LMLN: variants seen among roughly 807,000 people sequenced by gnomAD.
The protein encoded by LMLN is leishmanolysin-like peptidase.
LMLN carries 70 observed loss-of-function variants against 92.3 expected under a neutral mutation model. The observed-to-expected ratio is 0.76, with a 90% CI of 0.63 to 0.92. The LOEUF (loss-of-function observed/expected upper bound fraction) is 0.92, where lower values mean the gene tolerates loss of function less well. Ranked by LOEUF, LMLN falls within the 40% of genes least tolerant of loss-of-function variation. LMLN has a pLI of 0.00. For missense variants in LMLN, 691 were observed against 814.6 expected (o/e 0.85, Z 1.85); for synonymous variants, 308 against 296.2 (o/e 1.04, Z -0.41).
At chr3:197,967,810 G>A (rs748208489) in intron 1 of LMLN, among the ~76,000 whole-genome samples, 6 of 152,094 alleles carry the variant, frequency 3.9e-5, no homozygotes, top group Admixed American at 1.3e-4. Flanking sequence ...GCCATTTATA[G>A]ACCTCCCCCA....
chr3:198,000,636 C>T (rs1391148181), intron 11 of LMLN, among the ~76,000 whole-genome samples: 1 of 151,880 alleles, frequency 6.6e-6, no homozygotes, highest in East Asian at 1.9e-4. Context: ...CCATGTCGGC[C>T]AGGCTGGTCT....
intron 1 of LMLN, among the ~76,000 whole-genome samples, chr3:197,966,667 ATT>A (rs34785591): frequency 1.3e-5 from 2 of 151,254 alleles, no homozygotes; most frequent in African/African-American, 4.9e-5. Flanking sequence ...ACATTGATTG[ATT>A]TTTTTTGAAT....
At chr3:197,962,348 A>G (rs1720927664) in intron 1 of LMLN, among the ~76,000 whole-genome samples, 1 of 152,210 alleles carries the variant, frequency 6.6e-6, no homozygotes, top group African/African-American at 2.4e-5. Flanking sequence ...TTGAATACTT[A>G]TATCACAATT....
intron 10 of LMLN, among the ~76,000 whole-genome samples, chr3:197,998,011 G>C (rs151038688): frequency 2.0e-5 from 3 of 152,348 alleles, no homozygotes; most frequent in Non-Finnish European, 4.4e-5. Context: ...GCCATGTTGA[G>C]AAAAGATTCC....
intron 13 of LMLN, among the ~76,000 whole-genome samples, chr3:198,023,212 C>T (rs1323209850): frequency 6.6e-6 from 1 of 151,772 alleles, no homozygotes; most frequent in African/African-American, 2.4e-5. Flanking sequence ...TTTTTAGAGA[C>T]AAGGTCTCAC....
chr3:197,995,472 T>C (rs924406766), intron 9 of LMLN, among the ~76,000 whole-genome samples: 1 of 152,092 alleles, frequency 6.6e-6, no homozygotes, highest in Non-Finnish European at 1.5e-5. Flanking sequence ...GAACTGATGC[T>C]AAAAAAGGAA....
intron 1 of LMLN, among the ~76,000 whole-genome samples, chr3:197,972,366 A>G (rs150466847): frequency 6.6e-6 from 1 of 152,188 alleles, no homozygotes; most frequent in East Asian, 1.9e-4. Context: ...GTCCGGCCCC[A>G]ATGAATTTTT....
At chr3:197,984,316 C>T (rs966001890) in intron 7 of LMLN, among the ~76,000 whole-genome samples, 2 of 151,856 alleles carry the variant, frequency 1.3e-5, no homozygotes, top group African/African-American at 2.4e-5. Flanking sequence ...TGCAGTGAGC[C>T]GAGATTGTGC....
chr3:198,021,353 G>A lies in LMLN; in HGVS notation c.1366-93G>A, dbSNP rs569850164. ...GTACATTAGTATCTTGTGTTATGTG[G>A]CATTAAAGGGTTGCGAGAAATTGCC... On this transcript the variant is annotated intron_variant, in intron 12 of 15. Transcript: ENST00000330198. 109 of 1,008,178 alleles carry A rather than the reference G, an allele frequency of 1.1e-4. 1 individual carries two copies. In the South Asian group the frequency reaches 1.2e-3, roughly 11 times the overall value. 62.5% of individuals were successfully genotyped at this position (1,008,178 alleles called of 1,614,324 possible).
At chr3:197,984,916 A>AT (rs1292000759) in intron 7 of LMLN, among the ~76,000 whole-genome samples, 9 of 151,900 alleles carry the variant, frequency 5.9e-5, no homozygotes, top group Non-Finnish European at 1.3e-4. Flanking sequence ...GGCTCAAGTG[A>AT]TCCCCCCCGC....
chr3:198,016,555 T>C (rs1384606997), intron 11 of LMLN, among the ~76,000 whole-genome samples: 3 of 152,262 alleles, frequency 2.0e-5, no homozygotes, highest in Non-Finnish European at 4.4e-5. Context: ...CAAGTGATTT[T>C]ATGTGTAATG....
intron 12 of LMLN, among the ~76,000 whole-genome samples, chr3:198,020,663 G>A (rs547393346): frequency 1.3e-4 from 19 of 151,262 alleles, no homozygotes; most frequent in African/African-American, 3.4e-4. Flanking sequence ...GTGCAATCTC[G>A]GCTCACTTCA....
chr3:197,993,976 A>G (rs1051420415), intron 9 of LMLN, among the ~76,000 whole-genome samples: 1 of 152,206 alleles, frequency 6.6e-6, no homozygotes, highest in African/African-American at 2.4e-5. Context: ...TTAACCAATT[A>G]TGGTTAATTG....
At chr3:197,988,312 A>G (rs1231111201) in intron 8 of LMLN, among the ~76,000 whole-genome samples, 2 of 151,844 alleles carry the variant, frequency 1.3e-5, no homozygotes, top group Non-Finnish European at 1.5e-5. Flanking sequence ...TAAGGCCTCA[A>G]AAGATTATAA....
Position 198,019,355 on chromosome 3 carries a change from G to T in LMLN, c.1335G>T (p.Lys445Asn), listed in dbSNP as rs139882301. 1 of 1,613,986 alleles carries T rather than the reference G, an allele frequency of 6.2e-7. No individual in the cohort carries two copies. The highest frequency in any genetic ancestry group is 1.3e-5 in the African/African-American group (1 of 74,918). ...CAGTTGCCGTGTGTAATTTGCAGAA[G>T]TTCCCTAAGCCTTTACCACAGGAAT... The change falls in exon 12 of 16, where the codon AAG becomes AAT. Residue 445 changes from lysine to asparagine, a missense_variant. By Grantham distance (94) the Lys-to-Asn change is moderately conservative (BLOSUM62 0). Coordinates refer to ENST00000330198, the Ensembl canonical transcript of LMLN. The surrounding 1 kb of genome is among the most constrained non-coding windows in gnomAD (Gnocchi z 5.5).
intron 14 of LMLN, among the ~76,000 whole-genome samples, chr3:198,033,145 T>A (rs1271584510): frequency 6.6e-6 from 1 of 152,156 alleles, no homozygotes; most frequent in African/African-American, 2.4e-5. Flanking sequence ...GCAAGGGAGT[T>A]TTCCTCTTGT....
At chr3:197,963,874 C>T (rs1181428510) in intron 1 of LMLN, among the ~76,000 whole-genome samples, 16 of 152,194 alleles carry the variant, frequency 1.1e-4, no homozygotes, top group Non-Finnish European at 4.4e-5. Context: ...TAGGACCAGT[C>T]TCTGACCATT....
At chr3:197,993,861 A>G (rs1721947386) in intron 9 of LMLN, among the ~76,000 whole-genome samples, 2 of 152,204 alleles carry the variant, frequency 1.3e-5, no homozygotes, top group Non-Finnish European at 2.9e-5. Context: ...TTCAAACTGT[A>G]CTGCAAAAGC....
intron 13 of LMLN, among the ~76,000 whole-genome samples, chr3:198,021,933 C>G (rs1465823721): frequency 6.6e-6 from 1 of 152,168 alleles, no homozygotes; most frequent in African/African-American, 2.4e-5. Context: ...ACGGCACTTT[C>G]CATTTGCAAA....
Sources: allele counts gnomAD v4.1 joint callset (sites outside exome capture counted in the v4.1 genomes callset), GRCh38; gene constraint gnomAD v4.1.1; non-coding constraint Gnocchi (gnomAD v3.1); transcripts MANE v1.5; gene names NCBI Gene and HGNC (gene_info 2026-07-23, HGNC 2026-07-21).